FHIT: variants seen among roughly 807,000 people sequenced by gnomAD.
FHIT encodes bis(5'-adenosyl)-triphosphatase.
FHIT carries 19 observed loss-of-function variants against 17.9 expected under a neutral mutation model. The ratio of observed to expected loss-of-function variants is 1.06; its 90% CI spans 0.74 to 1.56. The LOEUF is 1.56. Ranked by LOEUF, FHIT falls within the 40% of genes most tolerant of loss-of-function variation. The pLI is 0.00. For missense variants in FHIT, 248 were observed against 189.2 expected (o/e 1.31, Z -1.82); for synonymous variants, 81 against 69.7 (o/e 1.16, Z -0.81).
intron 5 of FHIT, among the ~76,000 whole-genome samples, chr3:60,296,889 C>T (rs929543231): frequency 7.4e-6 from 1 of 135,996 alleles, no homozygotes; most frequent in Admixed American, 7.8e-5. Flanking sequence ...AAAGTCTATT[C>T]TTTCTCTAAC....
At chr3:60,990,962 G>T (rs1251975122) in intron 3 of FHIT, among the ~76,000 whole-genome samples, 1 of 152,152 alleles carries the variant, frequency 6.6e-6, no homozygotes, top group South Asian at 2.1e-4. Context: ...CTTTTCTAGA[G>T]TGAATATGAC....
At chr3:60,072,082 A>G (rs1213666620) in intron 5 of FHIT, among the ~76,000 whole-genome samples, 1 of 152,196 alleles carries the variant, frequency 6.6e-6, no homozygotes, top group East Asian at 1.9e-4. Context: ...ACAGGTAATA[A>G]AGACTTGAAG....
chr3:60,482,735 T>C (rs1293554453), intron 5 of FHIT, among the ~76,000 whole-genome samples: 2 of 151,370 alleles, frequency 1.3e-5, no homozygotes, highest in African/African-American at 4.9e-5. Flanking sequence ...TAGAAAGATC[T>C]CAAATCAACA....
At chr3:59,922,066 T>G (rs1401527372) in intron 8 of FHIT, among the ~76,000 whole-genome samples, 3 of 152,226 alleles carry the variant, frequency 2.0e-5, no homozygotes, top group African/African-American at 7.2e-5. Flanking sequence ...CATATCTCCA[T>G]GCAAATATTT....
intron 7 of FHIT, among the ~76,000 whole-genome samples, chr3:59,938,010 G>A (rs1235018471): frequency 2.0e-5 from 3 of 152,136 alleles, no homozygotes; most frequent in African/African-American, 7.2e-5. Context: ...GCTGCCAAGT[G>A]GAGCTGCAAC....
At chr3:60,316,965 G>T (rs1405495791) in intron 5 of FHIT, among the ~76,000 whole-genome samples, 1 of 151,916 alleles carries the variant, frequency 6.6e-6, no homozygotes, top group African/African-American at 2.4e-5. Context: ...CTGGAACAAG[G>T]GACCCAAGAA....
intron 5 of FHIT, among the ~76,000 whole-genome samples, chr3:60,411,934 G>GT (rs1702076282): frequency 1.3e-5 from 2 of 151,832 alleles, no homozygotes; most frequent in African/African-American, 4.8e-5. Flanking sequence ...CAGAACCCAT[G>GT]TTTTTTTAAA....
chr3:59,875,113 G>A (rs566348850), intron 8 of FHIT, among the ~76,000 whole-genome samples: 1 of 152,278 alleles, frequency 6.6e-6, no homozygotes, highest in South Asian at 2.1e-4. Context: ...TTTGTTTCCT[G>A]TCCAGAGGAG....
chr3:61,112,128 G>A (rs551131052), intron 2 of FHIT, among the ~76,000 whole-genome samples: 2 of 152,274 alleles, frequency 1.3e-5, no homozygotes, highest in South Asian at 4.1e-4. Context: ...TGACTTCAAA[G>A]TCCATGCCCT....
At chr3:60,890,015 A>G (rs1176122010) in intron 3 of FHIT, among the ~76,000 whole-genome samples, 5 of 152,162 alleles carry the variant, frequency 3.3e-5, no homozygotes, top group African/African-American at 1.2e-4. Flanking sequence ...GTTTATGAAC[A>G]TCCAAATAAA....
chr3:59,965,478 G>C (rs1275667188), intron 7 of FHIT, among the ~76,000 whole-genome samples: 1 of 152,122 alleles, frequency 6.6e-6, no homozygotes. Flanking sequence ...GAATTACTTA[G>C]TTTCTTGCAG....
chr3:60,049,266 A>G (rs1361461828), intron 5 of FHIT, among the ~76,000 whole-genome samples: 2 of 152,214 alleles, frequency 1.3e-5, no homozygotes, highest in Admixed American at 1.3e-4. Context: ...CAGAATATGT[A>G]TGTGTACCTC....
At chr3:60,656,463 A>T (rs1553689597) in intron 4 of FHIT, among the ~76,000 whole-genome samples, 2 of 152,144 alleles carry the variant, frequency 1.3e-5, no homozygotes, top group African/African-American at 4.8e-5. Context: ...AAGTATGAGG[A>T]CGCCCGCACC....
chr3:60,595,493 A>G (rs2038233974), intron 4 of FHIT, among the ~76,000 whole-genome samples: 1 of 139,214 alleles, frequency 7.2e-6, no homozygotes, highest in South Asian at 2.4e-4. Context: ...ATAAATATGT[A>G]TATATGTGTG....
chr3:60,911,634 C>T (rs1378077745), intron 3 of FHIT, among the ~76,000 whole-genome samples: 1 of 152,258 alleles, frequency 6.6e-6, no homozygotes, highest in South Asian at 2.1e-4. Flanking sequence ...CAAGAGAACA[C>T]AGAAGAGTCA....
chr3:60,480,107 G>A (rs1016396561), intron 5 of FHIT, among the ~76,000 whole-genome samples: 4 of 152,054 alleles, frequency 2.6e-5, no homozygotes, highest in Non-Finnish European at 2.9e-5. Flanking sequence ...TTACAATCAC[G>A]GCAGAAGGCA....
chr3:61,233,760 A>C (rs1421861214), intron 1 of FHIT, among the ~76,000 whole-genome samples: 1 of 152,098 alleles, frequency 6.6e-6, no homozygotes, highest in East Asian at 1.9e-4. Context: ...AATGTGTCTC[A>C]TTCATCTCTC....
intron 4 of FHIT, among the ~76,000 whole-genome samples, chr3:60,737,618 A>G (rs1339613340): frequency 6.6e-6 from 1 of 152,186 alleles, no homozygotes; most frequent in Non-Finnish European, 1.5e-5. Context: ...ATAACATTGT[A>G]TTTCAGCTGC....
chr3:61,202,226 G>C (rs995416219), intron 1 of FHIT, among the ~76,000 whole-genome samples: 2 of 151,288 alleles, frequency 1.3e-5, no homozygotes, highest in African/African-American at 4.9e-5. Context: ...AACTGACTGG[G>C]AGTGAGGAGC....
Sources: gnomAD v4.1 joint callset for allele counts (sites outside exome capture counted in the v4.1 genomes callset) on GRCh38, gnomAD v4.1.1 for gene constraint, MANE v1.5 for transcripts, NCBI Gene and HGNC (gene_info 2026-07-23, HGNC 2026-07-21) for gene names.